The following AKAP7 variants were observed in gnomAD, a reference collection of about 807,000 sequenced individuals.
The protein encoded by AKAP7 is A-kinase anchoring protein 7, also known as A kinase (PRKA) anchor protein 7.
In AKAP7, 39 loss-of-function variants were observed where a neutral mutation model predicts 39.5. That is an observed-to-expected ratio of 0.99 (90% CI 0.76 to 1.29). The LOEUF is 1.29. Among genes scored for constraint, AKAP7 ranks in the 50% most tolerant of loss-of-function variants. The probability of loss-of-function intolerance (pLI) is 0.00; values close to 1 mark genes in which losing one functional copy is unlikely to be tolerated. For synonymous variants in AKAP7, 140 were observed against 139.1 expected, an observed-to-expected ratio of 1.01 and a Z score of -0.05; for missense variants, 414 against 407.7, an observed-to-expected ratio of 1.02 and a Z score of -0.13.
upstream of AKAP7, among the ~76,000 whole-genome samples, chr6:131,131,036 G>A (rs1340710391): frequency 2.0e-5 from 3 of 152,334 alleles, no homozygotes; most frequent in East Asian, 1.9e-4. Flanking sequence ...TTGTTCAGGC[G>A]TGAGCAGGTA....
At chr6:131,180,369 A>G (rs987801303) in intron 5 of AKAP7, among the ~76,000 whole-genome samples, 7 of 152,072 alleles carry the variant, frequency 4.6e-5, no homozygotes, top group African/African-American at 1.7e-4. Flanking sequence ...CTTTCCCCCA[A>G]CTTTACTTGC....
chr6:131,213,973 G>A (rs144260727), intron 6 of AKAP7, among the ~76,000 whole-genome samples: 2 of 152,208 alleles, frequency 1.3e-5, no homozygotes, highest in East Asian at 3.9e-4. Flanking sequence ...CAGTATAAAT[G>A]AACCAAATGT....
chr6:131,261,936 A>AAGAT lies in AKAP7; in HGVS notation c.851-19591_851-19588dup, dbSNP rs770896833. 1.5e-3 allele frequency among the ~76,000 whole-genome samples: 234 copies of AAGAT among 152,302 alleles called. 1 individual carries two copies. Among genetic ancestry groups the AAGAT allele is most frequent in the Non-Finnish European group, 2.4e-3 (165 of 68,036 alleles). ...GGGTGGAAAGGCAATACTGAGGGAAAAGATAGTAACTTTTAGGCTGGGTTA... is the reference window on the plus strand; with the variant it reads ...GGGTGGAAAGGCAATACTGAGGGAAAAGATAGATAGTAACTTTTAGGCTGGGTTA... On this transcript the variant is annotated intron_variant, in intron 7 of 7. Transcript: ENST00000431975.
intron 5 of AKAP7, among the ~76,000 whole-genome samples, chr6:131,183,579 A>G (rs1221119507): frequency 6.6e-6 from 1 of 151,998 alleles, no homozygotes; most frequent in Non-Finnish European, 1.5e-5. Context: ...ACCAAAATGA[A>G]TAAGAAGAGA....
Position 131,281,830 on chromosome 6 carries a change from G to A in AKAP7, c.*104G>A. 3.0e-6 allele frequency: 4 copies of A among 1,346,440 alleles called. No individual in the cohort carries two copies. Among genetic ancestry groups the A allele is most frequent in the Middle Eastern group, 2.8e-4 (1 of 3,584 alleles). The allele number at this position is 1,346,440 out of a possible 1,614,324, so 83.4% of individuals were successfully genotyped here. A position where few individuals can be genotyped will look rare whatever the true frequency, so the allele number is the denominator to read the frequency against. On this transcript the variant is annotated 3_prime_UTR_variant, in exon 8 of 8. Transcript: ENST00000431975. This position sits in a 1 kb window ranked among gnomAD's most constrained non-coding sequence, Gnocchi z 4.0. The stretch of plus-strand genomic sequence containing the variant: ...GTGCTGTTTAAGTTAAGTTTCTCTG[G>A]TGCAATCTGTGAAGATTGCCTAATA...
At chr6:131,133,971 G>GTTGT (rs537199111), upstream of AKAP7, among the ~76,000 whole-genome samples, 27 of 152,226 alleles carry the variant, frequency 1.8e-4, no homozygotes, top group East Asian at 3.5e-3. Flanking sequence ...GTAAAGCTTT[G>GTTGT]TTGTTTGTTT....
At chr6:131,245,489 A>T (rs1280504136) in intron 7 of AKAP7, among the ~76,000 whole-genome samples, 1 of 151,196 alleles carries the variant, frequency 6.6e-6, no homozygotes, top group African/African-American at 2.4e-5. Flanking sequence ...ACAAGAACAC[A>T]GAGAAACAAA....
At chr6:131,240,857 G>C (rs1318798364) in intron 7 of AKAP7, among the ~76,000 whole-genome samples, 7 of 152,190 alleles carry the variant, frequency 4.6e-5, no homozygotes, top group African/African-American at 1.4e-4. Flanking sequence ...GCACTTCCCG[G>C]GTGAGGTGAT....
At chr6:131,179,298 C>T (rs1030791281) in intron 5 of AKAP7, among the ~76,000 whole-genome samples, 4 of 152,130 alleles carry the variant, frequency 2.6e-5, no homozygotes, top group East Asian at 3.9e-4. Context: ...CTCAGCCTCC[C>T]GAGTAGCTGG....
intron 7 of AKAP7, among the ~76,000 whole-genome samples, chr6:131,271,930 C>T (rs937203207): frequency 6.6e-6 from 1 of 152,166 alleles, no homozygotes; most frequent in Non-Finnish European, 1.5e-5. Flanking sequence ...AATTAAATTA[C>T]ATATAGTTCC....
intron 5 of AKAP7, among the ~76,000 whole-genome samples, chr6:131,173,433 T>C (rs1458203451): frequency 6.6e-6 from 1 of 152,220 alleles, no homozygotes; most frequent in Non-Finnish European, 1.5e-5. Context: ...CTTCATGTTA[T>C]CTTTCCAGTT....
In AKAP7 at chr6:131,282,617, G is replaced by C. The variant is rs375395132; in HGVS notation, c.*891G>C. The C allele has an allele frequency of 6.6e-7, 1 of 1,520,638 alleles. No individual in the cohort carries two copies. Among genetic ancestry groups the C allele is most frequent in the Non-Finnish European group, 8.8e-7 (1 of 1,134,252 alleles). 94.2% of individuals were successfully genotyped at this position (1,520,638 alleles called of 1,614,324 possible). A position where few individuals can be genotyped will look rare whatever the true frequency, so the allele number is the denominator to read the frequency against. ...AACTTTGACATAAGCTCTACATTGCGATTGTGACAACATAGCTTATGAAAT... is the reference window on the plus strand; with the variant it reads ...AACTTTGACATAAGCTCTACATTGCCATTGTGACAACATAGCTTATGAAAT... On this transcript the variant is annotated 3_prime_UTR_variant, in exon 8 of 8. Coordinates refer to ENST00000431975, the MANE Select transcript of AKAP7 (RefSeq NM_016377.4).
chr6:131,252,533 T>G (rs1483726159), intron 7 of AKAP7, among the ~76,000 whole-genome samples: 1 of 152,214 alleles, frequency 6.6e-6, no homozygotes, highest in Non-Finnish European at 1.5e-5. Context: ...AGTGTTTAAT[T>G]TCTCTGGTAC....
intron 7 of AKAP7, among the ~76,000 whole-genome samples, chr6:131,261,044 A>G (rs1813274759): frequency 1.3e-5 from 2 of 148,612 alleles, no homozygotes; most frequent in Admixed American, 1.3e-4. Flanking sequence ...TAAAAATACA[A>G]AGTTAGCTGG....
At chr6:131,206,114 C>T (rs1808073878) in intron 6 of AKAP7, among the ~76,000 whole-genome samples, 1 of 152,176 alleles carries the variant, frequency 6.6e-6, no homozygotes, top group African/African-American at 2.4e-5. Flanking sequence ...CATCTTAATG[C>T]AGATCTCAAA....
intron 6 of AKAP7, among the ~76,000 whole-genome samples, chr6:131,211,831 A>G (rs1305807407): frequency 6.6e-6 from 1 of 151,950 alleles, no homozygotes; most frequent in Non-Finnish European, 1.5e-5. Context: ...TTCTATACAG[A>G]TGTTCCTCAG....
At chr6:131,189,030 A>G (rs919908573) in intron 5 of AKAP7, among the ~76,000 whole-genome samples, 1 of 152,228 alleles carries the variant, frequency 6.6e-6, no homozygotes, top group African/African-American at 2.4e-5. Flanking sequence ...GAATGTGCCC[A>G]CAACACTTAA....
At chr6:131,274,619 C>T (rs1247622202) in intron 7 of AKAP7, among the ~76,000 whole-genome samples, 1 of 152,120 alleles carries the variant, frequency 6.6e-6, no homozygotes, top group Non-Finnish European at 1.5e-5. Context: ...ACTACAGGTG[C>T]ATGCCACTGC....
intron 5 of AKAP7, among the ~76,000 whole-genome samples, chr6:131,179,546 T>G (rs1804921132): frequency 6.6e-6 from 1 of 152,196 alleles, no homozygotes. Context: ...ATGACTGTTT[T>G]GGTCACTAGT....
Sources: gnomAD v4.1 joint callset for allele counts (sites outside exome capture counted in the v4.1 genomes callset) on GRCh38, gnomAD v4.1.1 for gene constraint, Gnocchi (gnomAD v3.1) non-coding constraint, MANE v1.5 for transcripts, NCBI Gene and HGNC (gene_info 2026-07-23, HGNC 2026-07-21) for gene names.